Variants in PRIM2 observed in about 807,000 individuals in gnomAD.
The protein encoded by PRIM2 is DNA primase subunit 2, also known as DNA primase large subunit.
PRIM2 carries 39 observed loss-of-function variants against 67.3 expected under a neutral mutation model. The ratio of observed to expected loss-of-function variants is 0.58; its 90% CI spans 0.45 to 0.76. The LOEUF is 0.76. PRIM2 is among the 30% of genes least tolerant of loss of function. PRIM2 has a pLI of 0.00. For missense variants in PRIM2, 398 were observed against 598.7 expected, an observed-to-expected ratio of 0.66 and a Z score of 3.50; for synonymous variants, 143 against 198.7, an observed-to-expected ratio of 0.72 and a Z score of 2.36.
At chr6:57,346,486 A>AT (rs771592238) in intron 5 of PRIM2, among the ~76,000 whole-genome samples, 2 of 151,910 alleles carry the variant, frequency 1.3e-5, no homozygotes, top group African/African-American at 2.4e-5. Context: ...TGCCTGGCTA[A>AT]TTTTTGTATT....
intron 5 of PRIM2, among the ~76,000 whole-genome samples, chr6:57,339,389 C>T (rs1768388666): frequency 6.6e-6 from 1 of 152,066 alleles, no homozygotes; most frequent in South Asian, 2.1e-4. Context: ...AAAGAGCCCG[C>T]ATCGCCAAGT....
chr6:57,238,088 A>G, the PRIM2 span, among the ~76,000 whole-genome samples: 2 of 152,184 alleles, frequency 1.3e-5, no homozygotes, highest in South Asian at 4.1e-4. Flanking sequence ...CTACAAAGAG[A>G]CTTAGACTCC....
intron 10 of PRIM2, among the ~76,000 whole-genome samples, chr6:57,542,830 T>G (rs1775190861): frequency 6.6e-6 from 1 of 151,678 alleles, no homozygotes; most frequent in Non-Finnish European, 1.5e-5. Flanking sequence ...GCATACTAAA[T>G]TACAATATTC....
intron 10 of PRIM2, among the ~76,000 whole-genome samples, chr6:57,540,401 CA>C (rs1173290767): frequency 6.6e-6 from 1 of 151,988 alleles, no homozygotes; most frequent in Non-Finnish European, 1.5e-5. Context: ...AGTCTGAATC[CA>C]AAAGCCTGAA....
At position 57,473,062 on chromosome 6, in the gene PRIM2, C is replaced by T. The variant is rs1397085784; in HGVS notation, c.694-34325C>T. Among the ~76,000 whole-genome samples, 4 of 152,302 alleles carry T rather than the reference C, an allele frequency of 2.6e-5. No individual in the cohort carries two copies. In the South Asian group the frequency reaches 6.2e-4, roughly 24 times the overall value. On this transcript the variant is annotated intron_variant, in intron 7 of 13. Coordinates refer to ENST00000615550, the MANE Select transcript of PRIM2 (RefSeq NM_000947.5). ...TAATTACAGCTTTGTATTAAAGGCT[C>T]TTAGTTTTCTGCTTCAGTAAACCTA...
the PRIM2 span, among the ~76,000 whole-genome samples, chr6:57,230,339 T>C: frequency 6.6e-6 from 1 of 152,206 alleles, no homozygotes. Flanking sequence ...ATCTCTTCAA[T>C]CACTTGGGAG....
chr6:57,403,353 T>C (rs185352659), intron 7 of PRIM2, among the ~76,000 whole-genome samples: 1,515 of 148,982 alleles, frequency 0.01, 17 homozygotes, highest in African/African-American at 0.034. Flanking sequence ...GCCTCCCGGG[T>C]TCACACCATT....
intron 7 of PRIM2, among the ~76,000 whole-genome samples, chr6:57,501,491 G>T (rs1325268231): frequency 6.6e-6 from 1 of 152,204 alleles, no homozygotes; most frequent in East Asian, 1.9e-4. Context: ...GTAGAGACGG[G>T]ATTTCACCAT....
chr6:57,390,958 G>T (rs1283615210), intron 7 of PRIM2, among the ~76,000 whole-genome samples: 2 of 152,086 alleles, frequency 1.3e-5, no homozygotes, highest in Non-Finnish European at 1.5e-5. Context: ...TGAGGAATCA[G>T]TATACTGCTT....
chr6:57,256,685 ACAGT>A, the PRIM2 span, among the ~76,000 whole-genome samples: 1 of 148,236 alleles, frequency 6.7e-6, no homozygotes, highest in Non-Finnish European at 1.5e-5. Flanking sequence ...GCACACACAC[ACAGT>A]TTTTCCTTTC....
chr6:57,309,693 G>A, the PRIM2 span, among the ~76,000 whole-genome samples: 1 of 152,226 alleles, frequency 6.6e-6, no homozygotes, highest in African/African-American at 2.4e-5. Flanking sequence ...TAATGGGATG[G>A]CTGGGTCAAA....
chr6:57,438,253 A>G (rs1772079890), intron 7 of PRIM2, among the ~76,000 whole-genome samples: 1 of 152,204 alleles, frequency 6.6e-6, no homozygotes, highest in African/African-American at 2.4e-5. Flanking sequence ...CTCTGCAACA[A>G]TGTTTAGCTT....
chr6:57,587,174 A>C (rs1776204149), intron 10 of PRIM2: 1 of 152,358 alleles, frequency 6.6e-6, no homozygotes, highest in African/African-American at 2.4e-5. Flanking sequence ...GTTGTCATAA[A>C]TGAAAGTGCA....
intron 7 of PRIM2, among the ~76,000 whole-genome samples, chr6:57,416,705 C>T (rs1581885042): frequency 6.6e-6 from 1 of 152,208 alleles, no homozygotes; most frequent in African/African-American, 2.4e-5. Flanking sequence ...TAACTTGCTG[C>T]AGCTTCTGAA....
chr6:57,360,280 A>G (rs1054491480), intron 5 of PRIM2, among the ~76,000 whole-genome samples: 1 of 152,204 alleles, frequency 6.6e-6, no homozygotes. Context: ...ATAAGTTACT[A>G]TAGACACCAC....
At chr6:57,283,238 T>G in the PRIM2 span, among the ~76,000 whole-genome samples, 2 of 152,186 alleles carry the variant, frequency 1.3e-5, no homozygotes, top group African/African-American at 4.8e-5. Context: ...CCCATATTAT[T>G]GCCTTTGTTG....
At chr6:57,237,177 AT>A in the PRIM2 span, among the ~76,000 whole-genome samples, 1 of 151,792 alleles carries the variant, frequency 6.6e-6, no homozygotes, top group African/African-American at 2.4e-5. Flanking sequence ...GATGATGAGC[AT>A]TTTCTCATGT....
intron 10 of PRIM2, among the ~76,000 whole-genome samples, chr6:57,587,488 C>T (rs1776211469): frequency 6.6e-6 from 1 of 151,840 alleles, no homozygotes; most frequent in African/African-American, 2.4e-5. Flanking sequence ...CATGGTGAAA[C>T]CCCATCTCTA....
the PRIM2 span, among the ~76,000 whole-genome samples, chr6:57,303,567 G>C: frequency 4.6e-5 from 7 of 152,026 alleles, no homozygotes; most frequent in Non-Finnish European, 1.0e-4. Flanking sequence ...GTAAAGCACT[G>C]GCTGGATAAC....
Sources: allele counts gnomAD v4.1 joint callset (sites outside exome capture counted in the v4.1 genomes callset), GRCh38; gene constraint gnomAD v4.1.1; transcripts MANE v1.5; gene names NCBI Gene and HGNC (gene_info 2026-07-23, HGNC 2026-07-21).